The following ZNF469 variants were observed in gnomAD, a reference collection of about 807,000 sequenced individuals.
ZNF469 encodes zinc finger protein 469.
A neutral mutation model predicts 1.0 loss-of-function variants in ZNF469; 1 was observed. The observed-to-expected ratio is 1.00, with a 90% CI of 0.35 to 4.73. The LOEUF (loss-of-function observed/expected upper bound fraction) is 4.73. Among genes scored for constraint, ZNF469 ranks in the 30% most tolerant of loss-of-function variants. The pLI, the probability that ZNF469 is intolerant of heterozygous loss-of-function variation, is 0.16. For synonymous variants in ZNF469, 2,703 were observed against 2,363.4 expected (o/e 1.14, Z -4.17); for missense variants, 6,100 against 5,356.3 (o/e 1.14, Z -4.33).
the ZNF469 span, among the ~76,000 whole-genome samples, chr16:88,168,816 G>A: frequency 6.3e-3 from 966 of 152,306 alleles, 5 homozygotes; most frequent in African/African-American, 0.022. The surrounding 1 kb of genome is among the most constrained non-coding windows in gnomAD (Gnocchi z 4.3). Flanking sequence ...CTCTGAGGCT[G>A]GGCTTTGTGG....
chr16:88,247,685 A>G, the ZNF469 span, among the ~76,000 whole-genome samples: 4 of 151,462 alleles, frequency 2.6e-5, no homozygotes, highest in Non-Finnish European at 4.4e-5. Flanking sequence ...GAATGACTGA[A>G]TGAGTGAGTG....
the ZNF469 span, among the ~76,000 whole-genome samples, chr16:88,138,388 C>T: frequency 1.3e-5 from 2 of 152,196 alleles, no homozygotes; most frequent in African/African-American, 2.4e-5. Flanking sequence ...GAGCGCCCAG[C>T]GGGTTGTCAA....
At chr16:88,302,875 C>T in the ZNF469 span, among the ~76,000 whole-genome samples, 4 of 152,328 alleles carry the variant, frequency 2.6e-5, no homozygotes, top group East Asian at 5.8e-4. Context: ...AACCCCTCTG[C>T]CCTGGCCAGC....
the ZNF469 span, among the ~76,000 whole-genome samples, chr16:88,144,848 C>T: frequency 2.0e-5 from 3 of 150,332 alleles, no homozygotes; most frequent in Admixed American, 2.0e-4. Flanking sequence ...TTTTGCCCCC[C>T]TTTTTTTTTT....
the ZNF469 span, among the ~76,000 whole-genome samples, chr16:88,180,522 A>C: frequency 2.6e-5 from 4 of 152,358 alleles, no homozygotes; most frequent in South Asian, 2.1e-4. Context: ...CTGTAATCCC[A>C]GCACTTTGGG....
upstream of ZNF469, among the ~76,000 whole-genome samples, chr16:88,380,473 TCACACATACGTGCACA>T (rs2092518842): frequency 2.0e-5 from 2 of 102,068 alleles, no homozygotes; most frequent in African/African-American, 4.2e-5. Flanking sequence ...ACACATGCAC[TCACACATACGTGCACA>T]CACACATGCA....
chr16:88,227,559 C>T, the ZNF469 span, among the ~76,000 whole-genome samples: 1 of 147,274 alleles, frequency 6.8e-6, no homozygotes. Context: ...TCCCTGTCTC[C>T]TGGCCCCCGG....
the ZNF469 span, among the ~76,000 whole-genome samples, chr16:88,127,736 A>G: frequency 3.9e-5 from 6 of 152,166 alleles, no homozygotes; most frequent in African/African-American, 1.4e-4. Context: ...CCTCCTTTCC[A>G]TCTGAATTCT....
chr16:88,214,472 G>GAT, the ZNF469 span, among the ~76,000 whole-genome samples: 1 of 148,660 alleles, frequency 6.7e-6, no homozygotes, highest in South Asian at 2.1e-4. Context: ...GTTCTTTTGA[G>GAT]TTTTTTTTTT....
chr16:88,363,227 G>A, the ZNF469 span, among the ~76,000 whole-genome samples: 1 of 152,184 alleles, frequency 6.6e-6, no homozygotes, highest in African/African-American at 2.4e-5. Flanking sequence ...TTGCACTTGA[G>A]AAAGTGTCAC....
At chr16:88,382,195 T>C (rs566492544), upstream of ZNF469, among the ~76,000 whole-genome samples, 2 of 152,348 alleles carry the variant, frequency 1.3e-5, no homozygotes, top group South Asian at 4.1e-4. Context: ...CGCCCCTGTC[T>C]GGGACAGCCG....
At chr16:88,277,071 C>G in the ZNF469 span, among the ~76,000 whole-genome samples, 2 of 152,054 alleles carry the variant, frequency 1.3e-5, no homozygotes, top group East Asian at 3.9e-4. Flanking sequence ...CACACTGATG[C>G]TCAGTCTGTA....
chr16:88,169,324 C>T, the ZNF469 span, among the ~76,000 whole-genome samples: 11 of 152,316 alleles, frequency 7.2e-5, no homozygotes, highest in East Asian at 2.1e-3. The surrounding 1 kb of genome is among the most constrained non-coding windows in gnomAD (Gnocchi z 6.1). Flanking sequence ...GTGTGACCAA[C>T]ATGGAAACGG....
the ZNF469 span, among the ~76,000 whole-genome samples, chr16:88,243,617 C>T: frequency 6.6e-6 from 1 of 151,918 alleles, no homozygotes; most frequent in East Asian, 1.9e-4. Context: ...GCAGGTGGTC[C>T]AGAGGAGATG....
At chr16:88,186,290 G>C in the ZNF469 span, among the ~76,000 whole-genome samples, 237 of 152,352 alleles carry the variant, frequency 1.6e-3, no homozygotes, top group Non-Finnish European at 2.8e-3. Context: ...GTCTGGATTA[G>C]GTTATGCTAA....
At chr16:88,203,196 G>A in the ZNF469 span, among the ~76,000 whole-genome samples, 1 of 152,168 alleles carries the variant, frequency 6.6e-6, no homozygotes, top group Non-Finnish European at 1.5e-5. Flanking sequence ...CAGGTGCTCG[G>A]AGAGTGAGGA....
the ZNF469 span, among the ~76,000 whole-genome samples, chr16:88,271,061 G>C: frequency 2.6e-5 from 4 of 152,100 alleles, no homozygotes; most frequent in Non-Finnish European, 4.4e-5. Flanking sequence ...GGAATGAGTC[G>C]CATTCCCTCT....
At chr16:88,328,448 G>A in the ZNF469 span, among the ~76,000 whole-genome samples, 1 of 152,162 alleles carries the variant, frequency 6.6e-6, no homozygotes, top group African/African-American at 2.4e-5. Context: ...CTCAGCCGGG[G>A]CCTGGCCGCA....
intron 1 of ZNF469, among the ~76,000 whole-genome samples, chr16:88,394,203 G>A (rs565674405): frequency 0.14 from 18,813 of 135,960 alleles, 6,070 homozygotes; most frequent in Non-Finnish European, 0.18. Context: ...TGGGAGGAGC[G>A]GAGTTTGACA....
Sources: allele counts gnomAD v4.1 joint callset (sites outside exome capture counted in the v4.1 genomes callset), GRCh38; gene constraint gnomAD v4.1.1; non-coding constraint Gnocchi (gnomAD v3.1); transcripts MANE v1.5; gene names NCBI Gene and HGNC (gene_info 2026-07-23, HGNC 2026-07-21).